The following ERMARD variants were observed in gnomAD, a reference collection of about 807,000 sequenced individuals.
The protein encoded by ERMARD is ER membrane associated RNA degradation, also known as endoplasmic reticulum membrane-associated RNA degradation protein.
In ERMARD, 71 loss-of-function variants were observed where a neutral mutation model predicts 83.9. The ratio of observed to expected loss-of-function variants is 0.85; its 90% CI spans 0.70 to 1.03. The LOEUF is 1.03. Ranked by LOEUF, ERMARD falls within the 50% of genes least tolerant of loss-of-function variation. The pLI is 0.00. For missense variants in ERMARD, 838 were observed against 810.9 expected, an observed-to-expected ratio of 1.03 and a Z score of -0.41; for synonymous variants, 284 against 298.6, an observed-to-expected ratio of 0.95 and a Z score of 0.50.
chr6:169,761,272 A>T (rs778872324), intron 8 of ERMARD, among the ~76,000 whole-genome samples: 1 of 152,162 alleles, frequency 6.6e-6, no homozygotes, highest in Admixed American at 6.5e-5. Context: ...GCTGAAGTGC[A>T]TTGGAGCCAC....
intron 5 of ERMARD, among the ~76,000 whole-genome samples, chr6:169,758,018 CA>C (rs1293150281): frequency 6.6e-6 from 1 of 152,230 alleles, no homozygotes; most frequent in Non-Finnish European, 1.5e-5. Context: ...ATGAGTATTT[CA>C]CAAATTATTG....
intron 1 of ERMARD, among the ~76,000 whole-genome samples, chr6:169,753,607 TAGAC>T (rs1234474232): frequency 3.9e-5 from 6 of 151,990 alleles, no homozygotes; most frequent in East Asian, 3.9e-4. Context: ...GGCTACCCCA[TAGAC>T]AGAGCAGTTT....
rs1793630732 is a variant in ERMARD, at chr6:169,776,614, G to A, written c.1680G>A (p.Gln560=). Reference sequence around the variant, plus strand: ...TTGCCTCAGAGCTGAGACACAGGCAGTGGGTGGAAAGGACGCTGCGGTCTC... The same window carrying A: ...TTGCCTCAGAGCTGAGACACAGGCAATGGGTGGAAAGGACGCTGCGGTCTC... The part of the protein sequence containing the change: ...VTVASELRHR[Q]WVERTLRSRQ... Residue 560 remains glutamine, a synonymous_variant, in exon 16 of 18, where the codon CAG becomes CAA. Coordinates refer to ENST00000366773, the MANE Select transcript of ERMARD (RefSeq NM_018341.3). 12 of 1,614,268 alleles carry A rather than the reference G, an allele frequency of 7.4e-6. No homozygotes were observed. The highest frequency in any genetic ancestry group is 1.0e-5 in the Non-Finnish European group (12 of 1,180,048).
In ERMARD at chr6:169,759,893, T is replaced by C; in HGVS notation, c.661T>C (p.Tyr221His). 6.2e-7 allele frequency: 1 copy of C among 1,614,258 alleles called. No individual in the cohort carries two copies. Among genetic ancestry groups the C allele is most frequent in the Non-Finnish European group, 8.5e-7 (1 of 1,180,046 alleles). Residue 221 changes from tyrosine to histidine, a missense_variant, in exon 7 of 18, where the codon TAC (tyrosine) becomes CAC (histidine). By Grantham distance (83) the Tyr-to-His change is moderately conservative (BLOSUM62 2). Transcript: ENST00000366773. Reference sequence around the variant, plus strand: ...AGGATTGGGTCAGTTACTGAAGAGTTACCTTCAAAACACTAAACTTACATT... The same window carrying C: ...AGGATTGGGTCAGTTACTGAAGAGTCACCTTCAAAACACTAAACTTACATT... ...TAGLGQLLKS[Y>H]LQNTKLTLAH...
At chr6:169,775,175 G>C in intron 13 of ERMARD, 95 bp from the exon 14 acceptor site, 1 of 1,231,830 alleles carries the variant, frequency 8.1e-7, no homozygotes, top group Non-Finnish European at 1.1e-6. Context: ...AATAATTTAC[G>C]TATTTTCTAG....
In ERMARD at chr6:169,769,637, CAACT is replaced by C. The variant is rs766971789; in HGVS notation, c.1160_1163del (p.Thr387IlefsTer29). On this transcript the variant is annotated frameshift_variant, in exon 12 of 18. Transcript: ENST00000366773. LOFTEE classifies it high-confidence loss of function. ...AACTTACATGAATTTTCAAAAGAAACAACTAATCAGTTGCTTGCATTTTCTCTTG... is the reference window on the plus strand; with the variant it reads ...AACTTACATGAATTTTCAAAAGAAACAATCAGTTGCTTGCATTTTCTCTTG... The C allele has an allele frequency of 6.2e-7, 1 of 1,612,954 alleles. No homozygotes were observed. Among genetic ancestry groups the C allele is most frequent in the Non-Finnish European group, 8.5e-7 (1 of 1,179,526 alleles).
chr6:169,755,193 A>G, intron 2 of ERMARD, 90 bp from the exon 3 acceptor site: 5 of 1,460,734 alleles, frequency 3.4e-6, no homozygotes, highest in Non-Finnish European at 4.6e-6. Flanking sequence ...AAATTTTATA[A>G]TTAAAGCATT....
intron 9 of ERMARD, among the ~76,000 whole-genome samples, chr6:169,766,162 A>G (rs764761651): frequency 1.3e-5 from 2 of 152,240 alleles, no homozygotes; most frequent in Non-Finnish European, 2.9e-5. Flanking sequence ...TGTCTAGAAA[A>G]TGTTGCAGTT....
At position 169,755,368 on chromosome 6, in the gene ERMARD, G is replaced by C; in HGVS notation, c.261G>C (p.Lys87Asn). 6.2e-7 allele frequency: 1 copy of C among 1,614,168 alleles called. No homozygotes were observed. The highest frequency in any genetic ancestry group is 8.5e-7 in the Non-Finnish European group (1 of 1,180,020). ...AVHSHFLSLT[K>N]GQFEIRYAPW... The stretch of plus-strand genomic sequence containing the variant: ...ATTCACATTTCTTATCTCTGACCAA[G>C]GGGCAATTTGAAATTCGATATGCAC... Residue 87 changes from lysine to asparagine, a missense_variant, in exon 3 of 18, where the codon AAG becomes AAC. By Grantham distance (94) the Lys-to-Asn change is moderately conservative (BLOSUM62 0). Transcript: ENST00000366773.
chr6:169,779,289 AC>A lies in ERMARD; in HGVS notation c.1849del (p.Leu617Ter). ...CGKNAHEYQQ[Y>X]LKFVKSILQY... ...AAGAATGCGCATGAGTATCAGCAGT[AC>A]CTAAAGTAAGTGTGTCACAGTATGT... On this transcript the variant is annotated frameshift_variant, in exon 17 of 18. Transcript: ENST00000366773. LOFTEE classifies it low-confidence loss of function (END_TRUNC). 6.2e-7 allele frequency: 1 copy of A among 1,613,894 alleles called. No individual in the cohort carries two copies.
Position 169,781,330 on chromosome 6 carries a change from G to C in ERMARD, c.1854G>C (p.Lys618Asn). 1 of 1,592,820 alleles carries C rather than the reference G, an allele frequency of 6.3e-7. No individual in the cohort carries two copies. The highest frequency in any genetic ancestry group is 1.4e-5 in the African/African-American group (1 of 73,656). The change falls in exon 18 of 18, where the codon AAG (lysine) becomes AAC (asparagine). Residue 618 changes from lysine to asparagine, a missense_variant and splice_region_variant. Lys to Asn is a moderately conservative substitution (Grantham distance 94, BLOSUM62 0). Transcript: ENST00000366773. ...AAAGAAATTAATTTTTTTTTTACAG[G>C]TTTGTAAAGTCGATCTTGCAGTACA... ...KNAHEYQQYLKFVKSILQYTE... is the reference protein window; with the variant it reads ...KNAHEYQQYLNFVKSILQYTE...
chr6:169,762,760 C>A (rs1344317287), intron 9 of ERMARD, among the ~76,000 whole-genome samples: 2 of 152,026 alleles, frequency 1.3e-5, no homozygotes, highest in Non-Finnish European at 2.9e-5. Context: ...TCAATGATAC[C>A]GTGAACGTAG....
At chr6:169,757,304 C>G (rs1470674709) in intron 5 of ERMARD, among the ~76,000 whole-genome samples, 3 of 152,140 alleles carry the variant, frequency 2.0e-5, no homozygotes, top group Non-Finnish European at 4.4e-5. Context: ...CCCTTCCCAC[C>G]TTCCCTTTCA....
intron 1 of ERMARD, 80 bp from the exon 2 acceptor site, chr6:169,753,784 T>G (rs1371346191): frequency 5.2e-6 from 6 of 1,161,380 alleles, no homozygotes; most frequent in Non-Finnish European, 6.9e-6. Context: ...CATTCAGTTC[T>G]TAAGAGATGT....
At position 169,781,581 on chromosome 6, in the gene ERMARD, A is replaced by T. The variant is rs1794203725; in HGVS notation, c.*68A>T. The T allele has an allele frequency of 1.4e-6, 2 of 1,437,088 alleles. No individual in the cohort carries two copies. The highest frequency in any genetic ancestry group is 1.9e-6 in the Non-Finnish European group (2 of 1,071,586). The allele number at this position is 1,437,088 out of a possible 1,614,324, so 89.0% of individuals were successfully genotyped here. A position where few individuals can be genotyped will look rare whatever the true frequency, so the allele number is the denominator to read the frequency against. ...CAGCGTGTAAATTAAAAACCCAAAG[A>T]CAGGGTGGAGTTGAGGGTCTGCTTG... On this transcript the variant is annotated 3_prime_UTR_variant, in exon 18 of 18. Transcript: ENST00000366773.
At chr6:169,780,503 G>A (rs1377885575) in intron 17 of ERMARD, among the ~76,000 whole-genome samples, 1 of 152,354 alleles carries the variant, frequency 6.6e-6, no homozygotes, top group East Asian at 1.9e-4. Flanking sequence ...ATCAGTCAGA[G>A]TGACCCCGCT....
intron 3 of ERMARD, 56 bp downstream of exon 3, chr6:169,755,478 G>C (rs1254442544): frequency 6.3e-7 from 1 of 1,590,434 alleles, no homozygotes. Flanking sequence ...CTACTTAGAG[G>C]ACGTACTATT....
rs761466616 is a variant in ERMARD at position 169,768,166 on chromosome 6, G to C, written c.1054G>C (p.Ala352Pro). Residue 352 changes from alanine to proline, a missense_variant, in exon 11 of 18, where the codon GCT becomes CCT. Transcript: ENST00000366773. ...NQLPLFLGEP[A>P]MEFLWDFLNH... The stretch of plus-strand genomic sequence containing the variant: ...GCTTCCTCTTTTCCTTGGAGAGCCT[G>C]CTATGGTAAGTATTAGGTATTTTCC... 1.9e-6 allele frequency: 3 copies of C among 1,613,762 alleles called. No homozygotes were observed. Among genetic ancestry groups the C allele is most frequent in the Non-Finnish European group, 1.7e-6 (2 of 1,179,702 alleles).
chr6:169,775,431 G>A (rs1343983429), intron 14 of ERMARD, 85 bp downstream of exon 14: 2 of 1,471,562 alleles, frequency 1.4e-6, no homozygotes, highest in Non-Finnish European at 1.9e-6. Flanking sequence ...ACGAGGCTGT[G>A]GGAAGATAAA....
Sources: gnomAD v4.1 joint callset for allele counts (sites outside exome capture counted in the v4.1 genomes callset) on GRCh38, gnomAD v4.1.1 for gene constraint, MANE v1.5 for transcripts, NCBI Gene and HGNC (gene_info 2026-07-23, HGNC 2026-07-21) for gene names.